The following NEGR1 variants were observed in gnomAD, a reference collection of about 807,000 sequenced individuals.
The protein encoded by NEGR1 is neuronal growth regulator 1.
NEGR1 carries 10 observed loss-of-function variants against 40.9 expected under a neutral mutation model. That is an observed-to-expected ratio of 0.24 (90% CI 0.15 to 0.42). The LOEUF (loss-of-function observed/expected upper bound fraction) is 0.42, where lower values mean the gene tolerates loss of function less well. NEGR1 is among the 10% of genes least tolerant of loss of function. The probability of loss-of-function intolerance (pLI) is 1.00; values close to 1 mark genes in which losing one functional copy is unlikely to be tolerated. For missense variants in NEGR1, 352 were observed against 438.9 expected (o/e 0.80, Z 1.77); for synonymous variants, 185 against 166.8 (o/e 1.11, Z -0.84).
At chr1:71,724,555 T>C (rs1409769737) in intron 3 of NEGR1, among the ~76,000 whole-genome samples, 2 of 152,180 alleles carry the variant, frequency 1.3e-5, no homozygotes, top group African/African-American at 2.4e-5. Flanking sequence ...TTTTATTTCA[T>C]TGGTTGATAG....
intron 6 of NEGR1, among the ~76,000 whole-genome samples, chr1:71,484,408 T>G (rs915969865): frequency 2.6e-5 from 4 of 151,660 alleles, no homozygotes; most frequent in African/African-American, 4.8e-5. Context: ...GCCTTGAAAG[T>G]GTTCCTTCAA....
intron 6 of NEGR1, among the ~76,000 whole-genome samples, chr1:71,566,517 A>G (rs1648624121): frequency 6.6e-6 from 1 of 152,150 alleles, no homozygotes; most frequent in Admixed American, 6.6e-5. Context: ...TCTTCATGAG[A>G]TAAGTATTTC....
chr1:72,160,227 G>C (rs997358382), intron 1 of NEGR1, among the ~76,000 whole-genome samples: 3 of 152,124 alleles, frequency 2.0e-5, no homozygotes, highest in Non-Finnish European at 4.4e-5. Flanking sequence ...AACAGGAGTT[G>C]ATGCGTGAAC....
intron 2 of NEGR1, among the ~76,000 whole-genome samples, chr1:71,903,465 T>C (rs984476580): frequency 7.2e-5 from 11 of 151,972 alleles, no homozygotes; most frequent in Non-Finnish European, 1.5e-4. Flanking sequence ...GTATTTTAAC[T>C]AAGATATTTA....
At chr1:71,796,070 TC>T (rs1445357542) in intron 2 of NEGR1, among the ~76,000 whole-genome samples, 1 of 152,172 alleles carries the variant, frequency 6.6e-6, no homozygotes. Flanking sequence ...AATGTTGCTC[TC>T]CTAACTGGAT....
chr1:71,629,061 T>A (rs1650884694), intron 4 of NEGR1, among the ~76,000 whole-genome samples: 1 of 152,140 alleles, frequency 6.6e-6, no homozygotes. Context: ...TTTCTCTACA[T>A]CCTCTCCAGC....
chr1:71,790,939 G>T (rs1657093702), intron 2 of NEGR1, among the ~76,000 whole-genome samples: 1 of 151,990 alleles, frequency 6.6e-6, no homozygotes, highest in Admixed American at 6.6e-5. Context: ...AAAATCATTT[G>T]TTGTTCGGGA....
At chr1:72,202,947 C>T (rs1475646092) in intron 1 of NEGR1, among the ~76,000 whole-genome samples, 1 of 151,784 alleles carries the variant, frequency 6.6e-6, no homozygotes, top group East Asian at 1.9e-4. Flanking sequence ...ATATTTAAGC[C>T]CACAGTTGAG....
At chr1:71,548,873 C>CA (rs1647985287) in intron 6 of NEGR1, among the ~76,000 whole-genome samples, 1 of 151,624 alleles carries the variant, frequency 6.6e-6, no homozygotes, top group Non-Finnish European at 1.5e-5. Flanking sequence ...CTTTGTAGAG[C>CA]TGAATAACAT....
chr1:71,840,034 C>T (rs1158965573), intron 2 of NEGR1, among the ~76,000 whole-genome samples: 1 of 152,092 alleles, frequency 6.6e-6, no homozygotes, highest in Non-Finnish European at 1.5e-5. Context: ...TGTAATAAGG[C>T]TTTTCCATTT....
chr1:71,840,476 G>C (rs1404026466), intron 2 of NEGR1, among the ~76,000 whole-genome samples: 2 of 152,006 alleles, frequency 1.3e-5, no homozygotes, highest in African/African-American at 4.8e-5. Flanking sequence ...ATAAGTTTCT[G>C]TGGTATATCA....
At chr1:71,872,634 A>C (rs1423113588) in intron 2 of NEGR1, among the ~76,000 whole-genome samples, 1 of 152,228 alleles carries the variant, frequency 6.6e-6, no homozygotes, top group Non-Finnish European at 1.5e-5. Flanking sequence ...GCAAGAAATA[A>C]AACTTGGTTA....
At chr1:72,271,744 G>A (rs1655850968) in intron 1 of NEGR1, among the ~76,000 whole-genome samples, 1 of 151,812 alleles carries the variant, frequency 6.6e-6, no homozygotes, top group Admixed American at 6.6e-5. Context: ...GAATTCCCAC[G>A]TGTTGTCCCA....
At chr1:71,466,036 A>G (rs10889918) in intron 6 of NEGR1, among the ~76,000 whole-genome samples, 111,552 of 151,818 alleles carry the variant, frequency 0.73, 41,469 homozygotes, top group Non-Finnish European at 0.77. Context: ...CCCATGCTCT[A>G]TTTCTGATTC....
intron 4 of NEGR1, among the ~76,000 whole-genome samples, chr1:71,649,794 A>G (rs1454857901): frequency 6.6e-6 from 1 of 152,126 alleles, no homozygotes; most frequent in African/African-American, 2.4e-5. Flanking sequence ...GCTGAGATAA[A>G]TGCCAGTTGA....
At chr1:72,231,905 C>T (rs987412453) in intron 1 of NEGR1, among the ~76,000 whole-genome samples, 12 of 152,004 alleles carry the variant, frequency 7.9e-5, no homozygotes, top group African/African-American at 2.2e-4. Context: ...TCAGAAAATT[C>T]GCCAATATAC....
In NEGR1 at chr1:71,779,962, G is replaced by A. The variant is rs1421478747; in HGVS notation, c.410-3665C>T. ...GGTGATAACAATTGTCAGCTCTGTC[G>A]TCAGAATAAGGTGTGGTATAGAGAA... On this transcript the variant is annotated intron_variant, in intron 2 of 6. Coordinates refer to ENST00000357731, the MANE Select transcript of NEGR1 (RefSeq NM_173808.3). 4.8e-5 allele frequency among the ~76,000 whole-genome samples: 7 copies of A among 146,762 alleles called. No homozygotes were observed. In the South Asian group the frequency reaches 6.4e-4, roughly 13 times the overall value.
At chr1:71,775,758 A>C (rs1161399538) in intron 3 of NEGR1, among the ~76,000 whole-genome samples, 1 of 151,936 alleles carries the variant, frequency 6.6e-6, no homozygotes, top group Non-Finnish European at 1.5e-5. Context: ...CTGGGAGGCC[A>C]AGTTGAGCAG....
intron 3 of NEGR1, among the ~76,000 whole-genome samples, chr1:71,717,532 C>T (rs1427708026): frequency 6.6e-6 from 1 of 152,106 alleles, no homozygotes; most frequent in African/African-American, 2.4e-5. Context: ...ACATTATTCA[C>T]AATTTCACCA....
Sources: allele counts gnomAD v4.1 joint callset (sites outside exome capture counted in the v4.1 genomes callset), GRCh38; gene constraint gnomAD v4.1.1; transcripts MANE v1.5; gene names NCBI Gene and HGNC (gene_info 2026-07-23, HGNC 2026-07-21).